Variants in GKN2 observed in about 807,000 individuals in gnomAD.
GKN2 encodes the protein gastrokine 2, also known as gastrokine-2.
Under a neutral mutation model 22.7 loss-of-function variants are expected in GKN2, and 17 were observed. The ratio of observed to expected loss-of-function variants is 0.75; its 90% CI spans 0.51 to 1.13. GKN2 has a LOEUF of 1.13. GKN2 is among the 50% of genes most tolerant of loss of function. GKN2 has a pLI of 0.00. For missense variants in GKN2, 248 were observed against 221.4 expected (o/e 1.12, Z -0.76); for synonymous variants, 82 against 79.6 (o/e 1.03, Z -0.16).
chr2:68,946,722 G>A (rs1265003732), intron 4 of GKN2, among the ~76,000 whole-genome samples: 1 of 152,116 alleles, frequency 6.6e-6, no homozygotes, highest in East Asian at 1.9e-4. Flanking sequence ...AGTTGTGGAG[G>A]GAGACTTAAA....
intron 5 of GKN2, 73 bp downstream of exon 5, chr2:68,946,231 C>T (rs1183014807): frequency 9.0e-6 from 12 of 1,339,978 alleles, no homozygotes; most frequent in Non-Finnish European, 1.1e-5. Context: ...TTTCACTTGG[C>T]ACCCAACAGA....
At chr2:68,948,350 T>C (rs1669802999) in intron 3 of GKN2, among the ~76,000 whole-genome samples, 1 of 152,130 alleles carries the variant, frequency 6.6e-6, no homozygotes, top group Non-Finnish European at 1.5e-5. Context: ...TAAAATGCAC[T>C]TCTGTTACAA....
chr2:68,950,808 G>A (rs368847865), intron 1 of GKN2, 53 bp from the exon 2 acceptor site: 8 of 1,566,224 alleles, frequency 5.1e-6, no homozygotes, highest in Admixed American at 5.0e-5. Flanking sequence ...ATTGAGTGTG[G>A]GACAGGAGGA....
At chr2:68,947,360 G>C (rs1669785667) in intron 3 of GKN2, 103 bp from the exon 4 acceptor site, 2 of 720,116 alleles carry the variant, frequency 2.8e-6, no homozygotes, top group Non-Finnish European at 5.1e-6. Flanking sequence ...AACATGCACA[G>C]TGAATATATG....
chr2:68,949,025 AC>A (rs1471174235), intron 3 of GKN2, among the ~76,000 whole-genome samples: 1 of 152,242 alleles, frequency 6.6e-6, no homozygotes, highest in Non-Finnish European at 1.5e-5. Flanking sequence ...GGAAAGAGGA[AC>A]GTGAAGACAT....
chr2:68,947,017 A>G (rs1669780786), intron 4 of GKN2, 130 bp downstream of exon 4: 1 of 608,536 alleles, frequency 1.6e-6, no homozygotes, highest in Non-Finnish European at 3.0e-6. Flanking sequence ...AATAACTTTA[A>G]TAAGTTGAGT....
At chr2:68,950,028 G>A in intron 3 of GKN2, 98 bp downstream of exon 3, 2 of 911,226 alleles carry the variant, frequency 2.2e-6, no homozygotes, top group Non-Finnish European at 3.1e-6. Context: ...GCAAGGTTAA[G>A]TCTAAGAATT....
intron 3 of GKN2, among the ~76,000 whole-genome samples, chr2:68,948,612 G>T (rs1669808542): frequency 6.6e-6 from 1 of 152,222 alleles, no homozygotes. Flanking sequence ...GGAGAGGGAT[G>T]GGTTGCAATA....
chr2:68,948,283 A>G (rs1669802084), intron 3 of GKN2, among the ~76,000 whole-genome samples: 1 of 151,430 alleles, frequency 6.6e-6, no homozygotes, highest in African/African-American at 2.4e-5. Context: ...GCTGTCCAAT[A>G]TGATAGTTAT....
At chr2:68,947,458 C>T (rs1669786526) in intron 3 of GKN2, among the ~76,000 whole-genome samples, 2 of 152,148 alleles carry the variant, frequency 1.3e-5, no homozygotes, top group Admixed American at 1.3e-4. Context: ...CATTTCTACC[C>T]CTTTGAAATT....
chr2:68,951,017 A>G (rs899978790), intron 1 of GKN2, among the ~76,000 whole-genome samples: 1 of 152,138 alleles, frequency 6.6e-6, no homozygotes, highest in Non-Finnish European at 1.5e-5. Flanking sequence ...AACTCTTTCT[A>G]GCATTATAAC....
chr2:68,952,864 T>C lies in GKN2; in HGVS notation c.-3A>G, dbSNP rs777064567. Reference sequence around the variant, plus strand: ...CAAATACTCACAAGTATTTTCATTTTGCCTGGGAGAGGAAGGTGCTGGAGT... The same window carrying C: ...CAAATACTCACAAGTATTTTCATTTCGCCTGGGAGAGGAAGGTGCTGGAGT... On this transcript the variant is annotated 5_prime_UTR_variant, in exon 1 of 6. Coordinates refer to ENST00000328895, the MANE Select transcript of GKN2 (RefSeq NM_182536.3). The C allele has an allele frequency of 6.2e-6, 10 of 1,614,082 alleles. No individual in the cohort carries two copies. Among genetic ancestry groups the C allele is most frequent in the Non-Finnish European group, 7.6e-6 (9 of 1,179,958 alleles).
In GKN2 at chr2:68,945,277, G is replaced by A; in HGVS notation, c.*91C>T. The stretch of plus-strand genomic sequence containing the variant: ...ATTTTCTGACTGAATCTCAAAATTA[G>A]TTGGGGCATTGGGAAAGAATTTAAT... On this transcript the variant is annotated 3_prime_UTR_variant, in exon 6 of 6. Coordinates refer to ENST00000328895, the MANE Select transcript of GKN2 (RefSeq NM_182536.3). The A allele has an allele frequency of 3.4e-6, 3 of 871,796 alleles. No individual in the cohort carries two copies. Among genetic ancestry groups the A allele is most frequent in the Non-Finnish European group, 5.3e-6 (3 of 565,190 alleles). 54.0% of individuals were successfully genotyped at this position (871,796 alleles called of 1,614,324 possible).
In GKN2 at chr2:68,945,280, G is replaced by T; in HGVS notation, c.*88C>A. 1.1e-6 allele frequency: 1 copy of T among 877,776 alleles called. No individual in the cohort carries two copies. Among genetic ancestry groups the T allele is most frequent in the Non-Finnish European group, 1.8e-6 (1 of 570,208 alleles). 54.4% of individuals were successfully genotyped at this position (877,776 alleles called of 1,614,324 possible). On this transcript the variant is annotated 3_prime_UTR_variant, in exon 6 of 6. Transcript: ENST00000328895. ...TTCTGACTGAATCTCAAAATTAGTT[G>T]GGGCATTGGGAAAGAATTTAATTTG...
chr2:68,950,220 T>C lies in GKN2; in HGVS notation c.110A>G (p.Gln37Arg). 6.2e-7 allele frequency: 1 copy of C among 1,613,808 alleles called. No homozygotes were observed. Among genetic ancestry groups the C allele is most frequent in the East Asian group, 2.2e-5 (1 of 44,856 alleles). ...TTCATTATCAATTGTCACTGTCTCC[T>C]GAACATTGCCACCATTGTTGCTTGG... ...ISPSNNGGNV[Q>R]ETVTIDNEKN... is the part of the protein sequence containing the mutation. Residue 37 changes from glutamine to arginine, a missense_variant, in exon 3 of 6, where the codon CAG (glutamine) becomes CGG (arginine). Physicochemically the swap from Gln to Arg is conservative, Grantham distance 43. Coordinates refer to ENST00000328895, the MANE Select transcript of GKN2 (RefSeq NM_182536.3).
chr2:68,950,929 A>G (rs1250500019), intron 1 of GKN2, among the ~76,000 whole-genome samples, 174 bp from the exon 2 acceptor site: 3 of 152,178 alleles, frequency 2.0e-5, no homozygotes, highest in Non-Finnish European at 4.4e-5. Context: ...TGGCTCACAC[A>G]TTGGCTCATT....
At chr2:68,947,349 G>A (rs751845978) in intron 3 of GKN2, 92 bp from the exon 4 acceptor site, 1 of 781,966 alleles carries the variant, frequency 1.3e-6, no homozygotes, top group Admixed American at 1.8e-5. Flanking sequence ...AGAAAGACTT[G>A]AACATGCACA....
intron 3 of GKN2, among the ~76,000 whole-genome samples, chr2:68,949,599 T>G (rs918671857): frequency 2.0e-5 from 3 of 151,958 alleles, no homozygotes; most frequent in African/African-American, 7.3e-5. Flanking sequence ...TTTGTATTTT[T>G]GGTAGAGATG....
intron 4 of GKN2, 31 bp downstream of exon 4, chr2:68,947,116 C>T (rs776904350): frequency 7.4e-7 from 1 of 1,351,844 alleles, no homozygotes; most frequent in Non-Finnish European, 1.1e-6. Context: ...GGCTTAAGAA[C>T]AGAGAATACT....
Sources: gnomAD v4.1 joint callset for allele counts (sites outside exome capture counted in the v4.1 genomes callset) on GRCh38, gnomAD v4.1.1 for gene constraint, MANE v1.5 for transcripts, NCBI Gene and HGNC (gene_info 2026-07-23, HGNC 2026-07-21) for gene names.